OPCML: variants seen among roughly 807,000 people sequenced by gnomAD.
The protein encoded by OPCML is opioid binding protein/cell adhesion molecule like.
A neutral mutation model predicts 37.8 loss-of-function variants in OPCML; 13 were observed. The ratio of observed to expected loss-of-function variants is 0.34; its 90% CI spans 0.22 to 0.55. The LOEUF (loss-of-function observed/expected upper bound fraction) is 0.55, where lower values mean the gene tolerates loss of function less well. Ranked by LOEUF, OPCML falls within the 20% of genes least tolerant of loss-of-function variation. The pLI, the probability that OPCML is intolerant of heterozygous loss-of-function variation, is 0.91. For synonymous variants in OPCML, 176 were observed against 168.8 expected (o/e 1.04, Z -0.33); for missense variants, 341 against 435.6 (o/e 0.78, Z 1.93).
intron 3 of OPCML, among the ~76,000 whole-genome samples, chr11:132,655,054 T>C (rs1941637465): frequency 6.6e-6 from 1 of 152,242 alleles, no homozygotes; most frequent in African/African-American, 2.4e-5. Context: ...GCATGTGTTA[T>C]GGAGAACATC....
chr11:132,546,505 C>G (rs1161042445), intron 3 of OPCML, among the ~76,000 whole-genome samples: 1 of 152,136 alleles, frequency 6.6e-6, no homozygotes, highest in African/African-American at 2.4e-5. Context: ...TAGCTTAGCT[C>G]CCACTTATGA....
At chr11:133,402,876 A>T (rs1406211227) in intron 1 of OPCML, among the ~76,000 whole-genome samples, 1 of 150,036 alleles carries the variant, frequency 6.7e-6, no homozygotes, top group Non-Finnish European at 1.5e-5. Context: ...AAGGTAGGAG[A>T]TGTAATGATA....
At chr11:133,511,174 A>C (rs1047043874) in intron 1 of OPCML, among the ~76,000 whole-genome samples, 3 of 152,090 alleles carry the variant, frequency 2.0e-5, no homozygotes, top group Admixed American at 2.0e-4. Flanking sequence ...ATAATCTTCC[A>C]CTATCATTTC....
intron 3 of OPCML, among the ~76,000 whole-genome samples, chr11:132,650,754 G>A (rs1180243235): frequency 6.6e-6 from 1 of 152,148 alleles, no homozygotes; most frequent in Non-Finnish European, 1.5e-5. Context: ...CGAGCGCAGG[G>A]CTGAGGAGTG....
At chr11:132,772,721 A>G (rs1392894019) in intron 2 of OPCML, 3 of 152,136 alleles carry the variant, frequency 2.0e-5, no homozygotes, top group African/African-American at 7.2e-5. Flanking sequence ...ATGATATTTT[A>G]TTTTCCAGAA....
intron 1 of OPCML, chr11:133,003,865 T>C (rs1245530366): frequency 1.0e-6 from 1 of 985,376 alleles, no homozygotes; most frequent in Non-Finnish European, 1.2e-6. Flanking sequence ...ATCCACCGTG[T>C]GCCCTCGACC....
chr11:133,142,571 G>A (rs1057368893), intron 1 of OPCML, among the ~76,000 whole-genome samples: 3 of 152,094 alleles, frequency 2.0e-5, no homozygotes, highest in African/African-American at 7.2e-5. Context: ...AGACTATCAG[G>A]CCAATGAGGA....
intron 3 of OPCML, among the ~76,000 whole-genome samples, chr11:132,641,345 A>G (rs1940840339): frequency 6.6e-6 from 1 of 152,286 alleles, no homozygotes; most frequent in Middle Eastern, 3.4e-3. Context: ...CTCCTTGCCC[A>G]GAGCTGCCAC....
intron 4 of OPCML, among the ~76,000 whole-genome samples, chr11:132,506,845 G>A (rs1419615139): frequency 6.6e-6 from 1 of 151,474 alleles, no homozygotes; most frequent in Non-Finnish European, 1.5e-5. Context: ...AAAACAAAAA[G>A]CTGACGAGAA....
chr11:133,483,671 A>AGTT (rs1947436901), intron 1 of OPCML, among the ~76,000 whole-genome samples: 1 of 139,902 alleles, frequency 7.1e-6, no homozygotes, highest in Non-Finnish European at 1.5e-5. Flanking sequence ...TTAGATAAAT[A>AGTT]GATGATAGAT....
chr11:132,945,139 T>C (rs1790158866), intron 1 of OPCML, among the ~76,000 whole-genome samples: 1 of 152,242 alleles, frequency 6.6e-6, no homozygotes, highest in African/African-American at 2.4e-5. Flanking sequence ...TATCACTAAT[T>C]ATATCAGCTA....
chr11:133,314,161 G>A (rs1407131350), intron 1 of OPCML, among the ~76,000 whole-genome samples: 8 of 138,010 alleles, frequency 5.8e-5, no homozygotes, highest in Non-Finnish European at 1.1e-4. Context: ...CGTGAACCCA[G>A]GAGTCGGAGC....
intron 1 of OPCML, among the ~76,000 whole-genome samples, chr11:133,141,048 C>CGAAGAAGAAGAAGAAGAAGAAGAA (rs1161324241): frequency 0.01 from 58 of 5,788 alleles, 25 homozygotes; most frequent in African/African-American, 0.012. Context: ...ACGACGACGA[C>CGAAGAAGAAGAAGAAGAAGAAGAA]GAAGAAGAAG....
intron 4 of OPCML, among the ~76,000 whole-genome samples, chr11:132,507,166 C>T (rs7119976): frequency 0.24 from 35,465 of 150,728 alleles, 4,255 homozygotes; most frequent in African/African-American, 0.28. Flanking sequence ...GCTCTAATTA[C>T]TTTTGAATTT....
intron 2 of OPCML, among the ~76,000 whole-genome samples, chr11:132,794,019 G>A (rs1291930785): frequency 6.6e-6 from 1 of 152,180 alleles, no homozygotes; most frequent in Non-Finnish European, 1.5e-5. Context: ...TTCCACTCAT[G>A]CCTCATCTTC....
chr11:132,625,958 T>G (rs1361828129), intron 3 of OPCML, among the ~76,000 whole-genome samples: 2 of 152,084 alleles, frequency 1.3e-5, no homozygotes, highest in Non-Finnish European at 1.5e-5. Flanking sequence ...TTGTAGCACT[T>G]GTTATATTGT....
At chr11:132,880,183 G>A (rs1943173817) in intron 2 of OPCML, among the ~76,000 whole-genome samples, 1 of 151,908 alleles carries the variant, frequency 6.6e-6, no homozygotes, top group South Asian at 2.1e-4. Context: ...GTAAAGCCAG[G>A]AAGAACATGA....
intron 4 of OPCML, among the ~76,000 whole-genome samples, chr11:132,485,098 TA>T (rs74185125): frequency 0.25 from 37,343 of 151,552 alleles, 4,829 homozygotes; most frequent in East Asian, 0.38. Flanking sequence ...TAAAATAAAA[TA>T]AAAAAGAATT....
intron 2 of OPCML, among the ~76,000 whole-genome samples, chr11:132,807,203 C>T (rs932398350): frequency 1.3e-5 from 2 of 152,182 alleles, no homozygotes; most frequent in East Asian, 3.9e-4. Flanking sequence ...AGAAAACACA[C>T]AATAGAGAAA....
Sources: gnomAD v4.1 joint callset for allele counts (sites outside exome capture counted in the v4.1 genomes callset) on GRCh38, gnomAD v4.1.1 for gene constraint, MANE v1.5 for transcripts, NCBI Gene and HGNC (gene_info 2026-07-23, HGNC 2026-07-21) for gene names.